Variants in SUPT4H1 observed in about 807,000 individuals in gnomAD.
The protein encoded by SUPT4H1 is transcription elongation factor SPT4.
In SUPT4H1, 12 loss-of-function variants were observed where a neutral mutation model predicts 19.4. That is an observed-to-expected ratio of 0.62 (90% CI 0.40 to 1.00). SUPT4H1 has a LOEUF of 1.00. SUPT4H1 is among the 50% of genes least tolerant of loss of function. The probability of loss-of-function intolerance (pLI) is 0.00; values close to 1 mark genes in which losing one functional copy is unlikely to be tolerated. For synonymous variants in SUPT4H1, 58 were observed against 56.3 expected (o/e 1.03, Z -0.14); for missense variants, 115 against 149.2 (o/e 0.77, Z 1.19).
At chr17:58,349,055 TTAAG>T (rs1972393714) in intron 2 of SUPT4H1, among the ~76,000 whole-genome samples, 1 of 152,184 alleles carries the variant, frequency 6.6e-6, no homozygotes, top group Non-Finnish European at 1.5e-5. Context: ...TAATAAATAA[TTAAG>T]TGTTGGTGAG....
In SUPT4H1 at chr17:58,345,867, T is replaced by C. The variant is rs1490103766; in HGVS notation, c.*379A>G. The C allele has an allele frequency of 5.4e-6, 1 of 184,518 alleles. No individual in the cohort carries two copies. Among genetic ancestry groups the C allele is most frequent in the Non-Finnish European group, 1.2e-5 (1 of 86,934 alleles). 11.4% of individuals were successfully genotyped at this position (184,518 alleles called of 1,614,324 possible). A position where few individuals can be genotyped will look rare whatever the true frequency, so the allele number is the denominator to read the frequency against. On this transcript the variant is annotated 3_prime_UTR_variant, in exon 5 of 5. Coordinates refer to ENST00000225504, the MANE Select transcript of SUPT4H1 (RefSeq NM_003168.3). ...GAAGGTTCTTATAGGGCAAATAAGC[T>C]ATTACTGTGCCTAAGAGAATGGAAG...
Position 58,347,241 on chromosome 17 carries a change from C to A in SUPT4H1, c.233G>T (p.Ser78Ile), listed in dbSNP as rs761541881. 6.2e-7 allele frequency: 1 copy of A among 1,614,038 alleles called. No homozygotes were observed. Among genetic ancestry groups the A allele is most frequent in the Non-Finnish European group, 8.5e-7 (1 of 1,179,986 alleles). Residue 78 changes from serine (S) to isoleucine (I), a missense_variant and splice_region_variant, in exon 4 of 5, where the codon AGT (serine) becomes ATT (isoleucine). Physicochemically the swap from Ser to Ile is moderately radical, Grantham distance 142. Transcript: ENST00000225504. ...DSWVSKWQRVSNFKPGVYAVS... is the reference protein window; with the variant it reads ...DSWVSKWQRVINFKPGVYAVS... ...CGCATATACACCTGGCTTAAAGTTA[C>A]CTGAGAGAGAAGAAAAAAGATACAA...
At chr17:58,348,436 G>C (rs1972372797) in intron 2 of SUPT4H1, among the ~76,000 whole-genome samples, 1 of 152,036 alleles carries the variant, frequency 6.6e-6, no homozygotes, top group Non-Finnish European at 1.5e-5. Flanking sequence ...TCTCAGCCAT[G>C]CGCTGTTAAG....
chr17:58,346,142 T>A lies in SUPT4H1; in HGVS notation c.*104A>T, dbSNP rs1196589873. On this transcript the variant is annotated 3_prime_UTR_variant, in exon 5 of 5. Coordinates refer to ENST00000225504, the MANE Select transcript of SUPT4H1 (RefSeq NM_003168.3). ...CTCTCAACAGTCAGCTGAGTCTGAA[T>A]TGGAGGGTAGGAAGTATTTGAAGTT... is the stretch of plus-strand genomic sequence containing the variant. 3 of 900,664 alleles carry A rather than the reference T, an allele frequency of 3.3e-6. No homozygotes were observed. Among genetic ancestry groups the A allele is most frequent in the East Asian group, 4.9e-5 (2 of 40,552 alleles). The allele number at this position is 900,664 out of a possible 1,614,324, so 55.8% of individuals were successfully genotyped here. A position where few individuals can be genotyped will look rare whatever the true frequency, so the allele number is the denominator to read the frequency against.
intron 2 of SUPT4H1, among the ~76,000 whole-genome samples, chr17:58,350,697 G>A (rs1414534178): frequency 6.7e-6 from 1 of 149,888 alleles, no homozygotes; most frequent in African/African-American, 2.5e-5. Context: ...TTAGCTGGGA[G>A]TGGTGGTGGG....
intron 1 of SUPT4H1, 81 bp downstream of exon 1, chr17:58,351,986 T>C (rs1972544259): frequency 6.8e-7 from 1 of 1,472,640 alleles, no homozygotes; most frequent in East Asian, 2.3e-5. Context: ...CTTTTCTCTT[T>C]ACTGTCCCAC....
At chr17:58,351,943 C>T (rs1297611910) in intron 1 of SUPT4H1, 124 bp downstream of exon 1, 2 of 1,019,256 alleles carry the variant, frequency 2.0e-6, no homozygotes, top group African/African-American at 3.2e-5. Context: ...CGGCTTCTCA[C>T]TCCCCCTGCC....
intron 2 of SUPT4H1, among the ~76,000 whole-genome samples, chr17:58,348,817 G>A (rs938428912): frequency 1.3e-5 from 2 of 152,042 alleles, no homozygotes; most frequent in South Asian, 2.1e-4. Context: ...GCCCTCTTCC[G>A]ATCTTTAATT....
At position 58,345,609 on chromosome 17, in the gene SUPT4H1, A is replaced by G. The variant is rs939368570; in HGVS notation, c.*637T>C. On this transcript the variant is annotated 3_prime_UTR_variant, in exon 5 of 5. Transcript: ENST00000225504. ...AAGCAGGGGAGGGAAGAATTATTAA[A>G]CATGGTCAAGGAGCACTCTACAAAG... The G allele has an allele frequency of 1.3e-5, 2 of 152,300 alleles. No individual in the cohort carries two copies. The highest frequency in any genetic ancestry group is 4.8e-5 in the African/African-American group (2 of 41,362). 9.4% of individuals were successfully genotyped at this position (152,300 alleles called of 1,614,324 possible).
chr17:58,346,143 T>C lies in SUPT4H1; in HGVS notation c.*103A>G. On this transcript the variant is annotated 3_prime_UTR_variant, in exon 5 of 5. Transcript: ENST00000225504. ...TCTCAACAGTCAGCTGAGTCTGAAT[T>C]GGAGGGTAGGAAGTATTTGAAGTTC... is the stretch of plus-strand genomic sequence containing the variant. 1 of 913,388 alleles carries C rather than the reference T, an allele frequency of 1.1e-6. No individual in the cohort carries two copies. The highest frequency in any genetic ancestry group is 1.8e-5 in the Admixed American group (1 of 54,792). The allele number at this position is 913,388 out of a possible 1,614,324, so 56.6% of individuals were successfully genotyped here.
intron 3 of SUPT4H1, 32 bp from the exon 4 acceptor site, chr17:58,347,273 A>G (rs1163977177): frequency 8.1e-6 from 13 of 1,611,530 alleles, no homozygotes; most frequent in Non-Finnish European, 1.1e-5. Flanking sequence ...ACAAGATTAC[A>G]GTGAAGTTAG....
At chr17:58,346,796 T>C (rs1972307408) in intron 4 of SUPT4H1, among the ~76,000 whole-genome samples, 1 of 148,980 alleles carries the variant, frequency 6.7e-6, no homozygotes, top group Non-Finnish European at 1.5e-5. Flanking sequence ...TCGGTAAGAA[T>C]GAGAAGAAAA....
intron 4 of SUPT4H1, among the ~76,000 whole-genome samples, chr17:58,346,820 T>C (rs1161924834): frequency 6.6e-6 from 1 of 151,028 alleles, no homozygotes; most frequent in East Asian, 1.9e-4. Flanking sequence ...GGGATACATG[T>C]AGTCATCAAA....
At chr17:58,348,049 G>C (rs1972356512) in intron 2 of SUPT4H1, among the ~76,000 whole-genome samples, 1 of 152,122 alleles carries the variant, frequency 6.6e-6, no homozygotes, top group Non-Finnish European at 1.5e-5. Flanking sequence ...TATACATGTG[G>C]GGTTCCCTTC....
chr17:58,347,250 G>A lies in SUPT4H1; in HGVS notation c.233-9C>T, dbSNP rs765465027. 5.6e-6 allele frequency: 9 copies of A among 1,613,486 alleles called. No individual in the cohort carries two copies. The highest frequency in any genetic ancestry group is 7.6e-6 in the Non-Finnish European group (9 of 1,179,782). ...ACCTGGCTTAAAGTTACCTGAGAGA[G>A]AAGAAAAAAGATACAAGATTACAGT... On this transcript the variant is annotated splice_polypyrimidine_tract_variant and intron_variant, in intron 3 of 4. Coordinates refer to ENST00000225504, the MANE Select transcript of SUPT4H1 (RefSeq NM_003168.3).
rs1176344835 is a variant in SUPT4H1, at chr17:58,346,147, G to A, written c.*99C>T. The A allele has an allele frequency of 1.1e-6, 1 of 946,424 alleles. No individual in the cohort carries two copies. The highest frequency in any genetic ancestry group is 1.7e-6 in the Non-Finnish European group (1 of 581,856). The allele number at this position is 946,424 out of a possible 1,614,324, so 58.6% of individuals were successfully genotyped here. A position where few individuals can be genotyped will look rare whatever the true frequency, so the allele number is the denominator to read the frequency against. ...AACAGTCAGCTGAGTCTGAATTGGA[G>A]GGTAGGAAGTATTTGAAGTTCTGTT... On this transcript the variant is annotated 3_prime_UTR_variant, in exon 5 of 5. Coordinates refer to ENST00000225504, the MANE Select transcript of SUPT4H1 (RefSeq NM_003168.3).
intron 2 of SUPT4H1, among the ~76,000 whole-genome samples, chr17:58,349,273 T>C (rs942272185): frequency 8.5e-5 from 13 of 152,272 alleles, no homozygotes; most frequent in African/African-American, 2.4e-4. Context: ...AAAAGTGACA[T>C]GCATTCAATA....
intron 2 of SUPT4H1, among the ~76,000 whole-genome samples, chr17:58,348,597 C>T (rs946272601): frequency 6.6e-6 from 1 of 152,166 alleles, no homozygotes; most frequent in Non-Finnish European, 1.5e-5. Flanking sequence ...GCCTTAGGGT[C>T]CCTACAGCCC....
rs1226994226 is a variant in SUPT4H1 at position 58,348,589 on chromosome 17, C to T, written c.177-1005G>A. Among the ~76,000 whole-genome samples, 3 of 152,164 alleles carry T rather than the reference C, an allele frequency of 2.0e-5. No individual in the cohort carries two copies. In the East Asian group the frequency reaches 5.8e-4, roughly 29 times the overall value. On this transcript the variant is annotated intron_variant, in intron 2 of 4. Transcript: ENST00000225504. Reference sequence around the variant, plus strand: ...GTCCTTTGCAATCTATCTTTTTAGCCTTAGGGTCCCTACAGCCCAACCTTA... The same window carrying T: ...GTCCTTTGCAATCTATCTTTTTAGCTTTAGGGTCCCTACAGCCCAACCTTA...
Sources: gnomAD v4.1 joint callset for allele counts (sites outside exome capture counted in the v4.1 genomes callset) on GRCh38, gnomAD v4.1.1 for gene constraint, MANE v1.5 for transcripts, NCBI Gene and HGNC (gene_info 2026-07-23, HGNC 2026-07-21) for gene names.